NUP93: variants seen among roughly 807,000 people sequenced by gnomAD.
The protein encoded by NUP93 is nucleoporin 93, also known as nuclear pore complex protein Nup93.
A neutral mutation model predicts 107.8 loss-of-function variants in NUP93; 55 were observed. That is an observed-to-expected ratio of 0.51 (90% CI 0.41 to 0.64). The LOEUF (loss-of-function observed/expected upper bound fraction) is 0.64, where lower values mean the gene tolerates loss of function less well. NUP93 is among the 30% of genes least tolerant of loss of function. The pLI is 0.00. For synonymous variants in NUP93, 390 were observed against 397.5 expected, an observed-to-expected ratio of 0.98 and a Z score of 0.22; for missense variants, 937 against 1,044.7, an observed-to-expected ratio of 0.90 and a Z score of 1.42.
chr16:56,830,262 A>G (rs1364597985), intron 9 of NUP93, among the ~76,000 whole-genome samples: 1 of 152,170 alleles, frequency 6.6e-6, no homozygotes, highest in African/African-American at 2.4e-5. Context: ...CTTTGGATCA[A>G]GTTGGGTACA....
At chr16:56,740,479 A>G (rs1210473301) in intron 1 of NUP93, among the ~76,000 whole-genome samples, 23 of 148,372 alleles carry the variant, frequency 1.6e-4, no homozygotes, top group Admixed American at 6.0e-4. Context: ...GCGGCTGGGA[A>G]GAGGCGCTCC....
chr16:56,814,032 A>G (rs1232305356), intron 5 of NUP93, among the ~76,000 whole-genome samples: 1 of 152,190 alleles, frequency 6.6e-6, no homozygotes, highest in Non-Finnish European at 1.5e-5. Context: ...AAAGCTAACT[A>G]TTGTAAATTA....
chr16:56,829,320 A>G (rs990108795), intron 9 of NUP93, among the ~76,000 whole-genome samples: 1 of 152,252 alleles, frequency 6.6e-6, no homozygotes, highest in African/African-American at 2.4e-5. Flanking sequence ...AGAAGAGTGC[A>G]TGGAGAAGAT....
intron 1 of NUP93, among the ~76,000 whole-genome samples, chr16:56,740,320 G>C (rs1961705671): frequency 6.7e-6 from 1 of 149,726 alleles, no homozygotes; most frequent in Admixed American, 6.6e-5. Context: ...GGGGCGGCCG[G>C]GCAGAGACGC....
At chr16:56,774,804 G>A (rs1962383066) in intron 3 of NUP93, among the ~76,000 whole-genome samples, 1 of 152,094 alleles carries the variant, frequency 6.6e-6, no homozygotes, top group Admixed American at 6.5e-5. Context: ...TCTAGCTTCA[G>A]TATGCTTTCC....
intron 16 of NUP93, among the ~76,000 whole-genome samples, chr16:56,835,962 A>G (rs765690679): frequency 1.2e-4 from 19 of 152,030 alleles, no homozygotes; most frequent in Admixed American, 7.9e-4. Context: ...CCCTGTCTCT[A>G]TTAAAAATAC....
chr16:56,781,749 A>G (rs1962518693), intron 3 of NUP93: 3 of 821,932 alleles, frequency 3.6e-6, no homozygotes, highest in Non-Finnish European at 4.4e-6. Context: ...TTCCTTGCCT[A>G]CATGTTGTCT....
intron 3 of NUP93, among the ~76,000 whole-genome samples, chr16:56,760,678 C>G (rs80343639): frequency 0.036 from 5,424 of 152,264 alleles, 129 homozygotes; most frequent in East Asian, 0.077. Context: ...GAAATCTGCT[C>G]TCATGATCCA....
intron 3 of NUP93, among the ~76,000 whole-genome samples, chr16:56,764,362 C>A (rs143621949): frequency 6.6e-6 from 1 of 151,998 alleles, no homozygotes; most frequent in East Asian, 1.9e-4. Context: ...TGTTGGTGCA[C>A]GCCTGTAATC....
In NUP93 at chr16:56,844,791, C is replaced by A. The variant is rs1390559880; in HGVS notation, c.*182C>A. The A allele has an allele frequency of 6.1e-5, 17 of 278,528 alleles. No homozygotes were observed. In the African/African-American group the frequency reaches 1.0e-3, roughly 17 times the overall value. 17.3% of individuals were successfully genotyped at this position (278,528 alleles called of 1,614,324 possible). A position where few individuals can be genotyped will look rare whatever the true frequency, so the allele number is the denominator to read the frequency against. On this transcript the variant is annotated 3_prime_UTR_variant, in exon 22 of 22. Coordinates refer to ENST00000308159, the MANE Select transcript of NUP93 (RefSeq NM_014669.5). ...TTTCTTTTCAACATTCTTTTATTTT[C>A]TTTTTTTTTTTCTTTGAAATTTTGT...
chr16:56,833,864 C>T (rs1301312892), intron 13 of NUP93, among the ~76,000 whole-genome samples: 1 of 152,146 alleles, frequency 6.6e-6, no homozygotes, highest in Non-Finnish European at 1.5e-5. Context: ...GAGCACATGC[C>T]ATAATCGTCA....
At position 56,825,475 on chromosome 16, in the gene NUP93, G is replaced by A. The variant is rs117355870; in HGVS notation, c.794+1629G>A. ...TGGGCTCAGCTTCCCAAAGTGCTGG[G>A]ATTACAGGCGTAAGCCACCGTGCCT... On this transcript the variant is annotated intron_variant, in intron 8 of 21. Coordinates refer to ENST00000308159, the MANE Select transcript of NUP93 (RefSeq NM_014669.5). 7.8e-3 allele frequency among the ~76,000 whole-genome samples: 1,189 copies of A among 152,042 alleles called. 31 individuals are homozygous for A. The highest frequency in any genetic ancestry group is 0.072 in the East Asian group (372 of 5,170).
chr16:56,789,984 C>A (rs1962720425), intron 3 of NUP93, among the ~76,000 whole-genome samples: 1 of 152,166 alleles, frequency 6.6e-6, no homozygotes, highest in South Asian at 2.1e-4. Context: ...GTAATCCCAG[C>A]TACTCAGGAG....
In NUP93 at chr16:56,849,745, C is replaced by G. The variant is rs1255743864; in HGVS notation, c.*5136C>G. 1 of 152,252 alleles carries G rather than the reference C, an allele frequency of 6.6e-6. No individual in the cohort carries two copies. Among genetic ancestry groups the G allele is most frequent in the Non-Finnish European group, 1.5e-5 (1 of 68,056 alleles). 9.4% of individuals were successfully genotyped at this position (152,252 alleles called of 1,614,324 possible). ...GTGGCTGCCCTACCTGGGCTTGCCTCTGCTGGTACTAGCTGCCCAGAGACC... is the reference window on the plus strand; with the variant it reads ...GTGGCTGCCCTACCTGGGCTTGCCTGTGCTGGTACTAGCTGCCCAGAGACC... On this transcript the variant is annotated 3_prime_UTR_variant, in exon 22 of 22. Coordinates refer to ENST00000308159, the MANE Select transcript of NUP93 (RefSeq NM_014669.5).
At chr16:56,798,240 C>G (rs1954225332) in intron 3 of NUP93, among the ~76,000 whole-genome samples, 1 of 152,144 alleles carries the variant, frequency 6.6e-6, no homozygotes, top group Non-Finnish European at 1.5e-5. Flanking sequence ...GGATATAGAA[C>G]CCCACACTGT....
chr16:56,837,017 T>G (rs1481866768), intron 17 of NUP93, among the ~76,000 whole-genome samples: 6 of 152,244 alleles, frequency 3.9e-5, no homozygotes, highest in African/African-American at 1.4e-4. Flanking sequence ...AAGCCACTGT[T>G]GAAAATTACA....
At chr16:56,782,273 G>C in intron 3 of NUP93, 1 of 938,314 alleles carries the variant, frequency 1.1e-6, no homozygotes, top group Non-Finnish European at 1.3e-6. Context: ...TAAATAGAGT[G>C]GCAGCATGTT....
At chr16:56,838,090 G>T (rs549803643) in intron 18 of NUP93, among the ~76,000 whole-genome samples, 34 of 152,312 alleles carry the variant, frequency 2.2e-4, no homozygotes, top group African/African-American at 8.2e-4. Flanking sequence ...TTGGATGGGG[G>T]AGATTCTTAG....
intron 3 of NUP93, among the ~76,000 whole-genome samples, chr16:56,792,114 C>T (rs575801456): frequency 4.6e-5 from 7 of 152,208 alleles, no homozygotes; most frequent in Non-Finnish European, 7.4e-5. Context: ...CAGGAGTTTG[C>T]GGCTGCAGTG....
Sources: gnomAD v4.1 joint callset for allele counts (sites outside exome capture counted in the v4.1 genomes callset) on GRCh38, gnomAD v4.1.1 for gene constraint, MANE v1.5 for transcripts, NCBI Gene and HGNC (gene_info 2026-07-23, HGNC 2026-07-21) for gene names.